The following NTRK3 variants were observed in gnomAD, a reference collection of about 807,000 sequenced individuals.
NTRK3 encodes the protein NT-3 growth factor receptor.
In NTRK3, 24 loss-of-function variants were observed where a neutral mutation model predicts 91.7. The ratio of observed to expected loss-of-function variants is 0.26; its 90% CI spans 0.19 to 0.37. The LOEUF is 0.37. Ranked by LOEUF, NTRK3 falls within the 10% of genes least tolerant of loss-of-function variation. The pLI is 1.00. For synonymous variants in NTRK3, 483 were observed against 404.0 expected (o/e 1.20, Z -2.34); for missense variants, 880 against 1,068.9 (o/e 0.82, Z 2.46).
rs552095254 is a variant in NTRK3, at chr15:88,233,459, C to G, written c.248+22447G>C. Among the ~76,000 whole-genome samples, 3 of 152,084 alleles carry G rather than the reference C, an allele frequency of 2.0e-5. No homozygotes were observed. Among genetic ancestry groups the G allele is most frequent in the Non-Finnish European group, 4.4e-5 (3 of 68,016 alleles). Reference sequence around the variant, plus strand: ...CATCCTGGGGAGAAGTGGCACCCCACGAAAGTTAGCACACTGAAACCACAG... The same window carrying G: ...CATCCTGGGGAGAAGTGGCACCCCAGGAAAGTTAGCACACTGAAACCACAG... On this transcript the variant is annotated intron_variant, in intron 3 of 18. Coordinates refer to ENST00000394480, the Ensembl canonical transcript of NTRK3. The surrounding 1 kb of genome is among the most constrained non-coding windows in gnomAD (Gnocchi z 4.2).
intron 5 of NTRK3, among the ~76,000 whole-genome samples, chr15:88,178,980 A>G (rs2046237269): frequency 6.6e-6 from 1 of 152,228 alleles, no homozygotes; most frequent in Non-Finnish European, 1.5e-5. Context: ...TCAGATTCAA[A>G]GGATTTAGAG....
chr15:88,093,480 G>A (rs1455774878), intron 13 of NTRK3, among the ~76,000 whole-genome samples: 1 of 152,130 alleles, frequency 6.6e-6, no homozygotes, highest in Non-Finnish European at 1.5e-5. Flanking sequence ...TTATGGATGG[G>A]TGTCAGTTTC....
exon 19 of NTRK3, chr15:87,860,157 C>CCCATAGATT (rs1400128951): frequency 2.7e-5 from 6 of 221,888 alleles, no homozygotes; most frequent in Admixed American, 1.2e-4. Flanking sequence ...AACTTCAACA[C>CCCATAGATT]CCATAGATTC....
At chr15:88,198,680 C>T (rs1323060321) in intron 3 of NTRK3, among the ~76,000 whole-genome samples, 2 of 151,956 alleles carry the variant, frequency 1.3e-5, no homozygotes, top group African/African-American at 4.8e-5. Context: ...CTCCTCGTGC[C>T]CCATGCTCAG....
intron 14 of NTRK3, among the ~76,000 whole-genome samples, chr15:88,025,361 T>G (rs547115581): frequency 6.6e-6 from 1 of 152,268 alleles, no homozygotes; most frequent in East Asian, 1.9e-4. Context: ...GAGGAAGCAA[T>G]GAAGTTGTCT....
At chr15:87,963,662 C>A (rs900320625) in intron 14 of NTRK3, among the ~76,000 whole-genome samples, 1 of 152,114 alleles carries the variant, frequency 6.6e-6, no homozygotes, top group Non-Finnish European at 1.5e-5. Flanking sequence ...CTAGTCTAAG[C>A]GATGATGGTT....
At chr15:88,215,697 C>A (rs992012903) in intron 3 of NTRK3, among the ~76,000 whole-genome samples, 1 of 152,200 alleles carries the variant, frequency 6.6e-6, no homozygotes, top group African/African-American at 2.4e-5. Context: ...AAATTGGTCA[C>A]CTCTGGTGAG....
At chr15:88,011,868 T>C (rs1373123865) in intron 14 of NTRK3, among the ~76,000 whole-genome samples, 2 of 152,222 alleles carry the variant, frequency 1.3e-5, no homozygotes, top group East Asian at 1.9e-4. Flanking sequence ...AGGCAGACTA[T>C]GGTAATAGTG....
At chr15:88,100,252 A>G (rs1567402884) in intron 13 of NTRK3, among the ~76,000 whole-genome samples, 1 of 152,228 alleles carries the variant, frequency 6.6e-6, no homozygotes, top group African/African-American at 2.4e-5. Flanking sequence ...GCTCTGCTCC[A>G]AAGAACAATG....
rs555354687 is a variant in NTRK3 at position 88,076,268 on chromosome 15, T to C, written c.1397-43223A>G. Among the ~76,000 whole-genome samples, 6 of 152,290 alleles carry C rather than the reference T, an allele frequency of 3.9e-5. No individual in the cohort carries two copies. In the South Asian group the frequency reaches 8.3e-4, roughly 21 times the overall value. ...AACCATCAGATCTCATGAGACTTAT[T>C]CACTATCATAAGACCAGCACTGGAA... On this transcript the variant is annotated intron_variant, in intron 13 of 18. Transcript: ENST00000394480.
intron 13 of NTRK3, among the ~76,000 whole-genome samples, chr15:88,035,411 C>T (rs994772049): frequency 3.9e-5 from 6 of 152,198 alleles, no homozygotes; most frequent in African/African-American, 1.4e-4. Context: ...CTTCCTGCAA[C>T]CCTGCCTCCC....
intron 3 of NTRK3, among the ~76,000 whole-genome samples, chr15:88,229,666 G>A (rs1359177335): frequency 6.6e-6 from 1 of 152,170 alleles, no homozygotes; most frequent in African/African-American, 2.4e-5. Flanking sequence ...CATCCCTGAG[G>A]TCCTGCCCTG....
chr15:88,092,712 T>G (rs1179377547), intron 13 of NTRK3, among the ~76,000 whole-genome samples: 3 of 152,230 alleles, frequency 2.0e-5, no homozygotes, highest in Non-Finnish European at 4.4e-5. Context: ...AGGCTCTGGG[T>G]AGAGTCTGCT....
At chr15:88,111,884 G>C (rs527249634) in intron 13 of NTRK3, among the ~76,000 whole-genome samples, 24 of 141,948 alleles carry the variant, frequency 1.7e-4, no homozygotes, top group Non-Finnish European at 3.2e-4. Flanking sequence ...CCAAGTTCTG[G>C]TTTCTGGTTT....
At chr15:88,212,648 C>T (rs1388465326) in intron 3 of NTRK3, among the ~76,000 whole-genome samples, 1 of 151,834 alleles carries the variant, frequency 6.6e-6, no homozygotes, top group African/African-American at 2.4e-5. Context: ...CCCAGCTCCT[C>T]CTACCTCTCC....
chr15:87,961,830 C>T (rs974672642), intron 14 of NTRK3, among the ~76,000 whole-genome samples: 2 of 152,260 alleles, frequency 1.3e-5, no homozygotes, highest in African/African-American at 4.8e-5. Context: ...TTCTCAACCC[C>T]ATTGCAAGGA....
chr15:88,043,478 A>C (rs1169268531), intron 13 of NTRK3, among the ~76,000 whole-genome samples: 1 of 152,170 alleles, frequency 6.6e-6, no homozygotes, highest in Non-Finnish European at 1.5e-5. Flanking sequence ...ACTTTTGAAG[A>C]CTGGGAGGAA....
At chr15:87,869,498 T>G (rs1596035808) in exon 19 of NTRK3, 1 of 218,884 alleles carries the variant, frequency 4.6e-6, no homozygotes, top group African/African-American at 2.2e-5. Context: ...AATGAAAGTT[T>G]TCTGCTTTGT....
intron 13 of NTRK3, among the ~76,000 whole-genome samples, chr15:88,112,579 T>C (rs1488914222): frequency 6.6e-6 from 1 of 152,196 alleles, no homozygotes; most frequent in Non-Finnish European, 1.5e-5. Flanking sequence ...AGTAGGGCAC[T>C]AACCTATCTC....
Sources: gnomAD v4.1 joint callset for allele counts (sites outside exome capture counted in the v4.1 genomes callset) on GRCh38, gnomAD v4.1.1 for gene constraint, Gnocchi (gnomAD v3.1) non-coding constraint, MANE v1.5 for transcripts, NCBI Gene and HGNC (gene_info 2026-07-23, HGNC 2026-07-21) for gene names.